Variants in GUCA1C observed in about 807,000 individuals in gnomAD.
The protein encoded by GUCA1C is guanylate cyclase activator 1C.
GUCA1C carries 15 observed loss-of-function variants against 16.2 expected under a neutral mutation model. That is an observed-to-expected ratio of 0.93 (90% confidence interval 0.62 to 1.43). GUCA1C has a LOEUF of 1.43. Among genes scored for constraint, GUCA1C ranks in the 40% most tolerant of loss-of-function variants. GUCA1C has a pLI of 0.00. For synonymous variants in GUCA1C, 78 were observed against 85.4 expected, an observed-to-expected ratio of 0.91 and a Z score of 0.48; for missense variants, 275 against 244.8, an observed-to-expected ratio of 1.12 and a Z score of -0.82.
chr3:108,944,438 G>A (rs1210924729), intron 1 of GUCA1C, among the ~76,000 whole-genome samples: 2 of 152,170 alleles, frequency 1.3e-5, no homozygotes, highest in Non-Finnish European at 2.9e-5. Flanking sequence ...ACAGGTGATT[G>A]AGGCCCTGAA....
At chr3:108,934,625 A>G (rs1946703050) in intron 1 of GUCA1C, among the ~76,000 whole-genome samples, 1 of 152,206 alleles carries the variant, frequency 6.6e-6, no homozygotes, top group Non-Finnish European at 1.5e-5. Context: ...CTAGGTGCCC[A>G]TCAACAGTGG....
intron 1 of GUCA1C, among the ~76,000 whole-genome samples, chr3:108,923,523 T>C (rs35516392): frequency 0.025 from 3,860 of 152,346 alleles, 74 homozygotes; most frequent in Middle Eastern, 0.12. Flanking sequence ...CCAGTTTTTA[T>C]ACCAGTGCCA....
At chr3:108,915,288 A>G (rs1946496699) in intron 3 of GUCA1C, among the ~76,000 whole-genome samples, 1 of 152,234 alleles carries the variant, frequency 6.6e-6, no homozygotes, top group South Asian at 2.1e-4. Context: ...GAATGATGAC[A>G]ACTGTGATTG....
At chr3:108,913,758 T>C (rs1946480724) in intron 3 of GUCA1C, among the ~76,000 whole-genome samples, 1 of 152,030 alleles carries the variant, frequency 6.6e-6, no homozygotes, top group Non-Finnish European at 1.5e-5. Flanking sequence ...GTGCGTATAT[T>C]TTTTTTACTT....
chr3:108,938,235 A>G (rs1322298328), intron 1 of GUCA1C, among the ~76,000 whole-genome samples: 1 of 137,912 alleles, frequency 7.3e-6, no homozygotes, highest in Non-Finnish European at 1.7e-5. Context: ...ACTTTCAGTT[A>G]TTTTTCATAG....
chr3:108,946,891 G>GAAA (rs10607933), intron 1 of GUCA1C, among the ~76,000 whole-genome samples: 1 of 96,394 alleles, frequency 1.0e-5, no homozygotes, highest in African/African-American at 4.0e-5. Flanking sequence ...TCAAGAATCT[G>GAAA]AAAAAAAAAA....
At position 108,918,343 on chromosome 3, in the gene GUCA1C, T is replaced by C. The variant is rs187871424; in HGVS notation, c.354+2093A>G. ...CTAACATAGCTCTATGCCAGCTTCC[T>C]CTCACAGTGTTCCATGCCTGATCTA... On this transcript the variant is annotated intron_variant, in intron 2 of 3. Coordinates refer to ENST00000261047, the MANE Select transcript of GUCA1C (RefSeq NM_005459.4). Among the ~76,000 whole-genome samples the C allele has an allele frequency of 2.4e-3, 361 of 152,296 alleles. 2 individuals carry two copies. Among genetic ancestry groups the C allele is most frequent in the African/African-American group, 8.2e-3 (342 of 41,564 alleles).
rs140844046 is a variant in GUCA1C at position 108,919,407 on chromosome 3, T to C, written c.354+1029A>G. ...AGGTTGTGTATTCTCTATAGAATAT[T>C]TGATTTCTAATTTTGTGTTGCAATA... On this transcript the variant is annotated intron_variant, in intron 2 of 3. Coordinates refer to ENST00000261047, the MANE Select transcript of GUCA1C (RefSeq NM_005459.4). Among the ~76,000 whole-genome samples the C allele has an allele frequency of 3.7e-3, 562 of 152,288 alleles. 5 individuals carry two copies. The highest frequency in any genetic ancestry group is 0.013 in the African/African-American group (540 of 41,566).
intron 1 of GUCA1C, among the ~76,000 whole-genome samples, chr3:108,925,500 T>C (rs954003062): frequency 6.6e-6 from 1 of 152,192 alleles, no homozygotes; most frequent in Non-Finnish European, 1.5e-5. Flanking sequence ...TTGACATAAT[T>C]TCAATTTTCT....
At chr3:108,948,039 G>A (rs1292338866) in intron 1 of GUCA1C, among the ~76,000 whole-genome samples, 1 of 152,250 alleles carries the variant, frequency 6.6e-6, no homozygotes. Flanking sequence ...GCATATAGCT[G>A]TTGATCTGGA....
chr3:108,954,171 A>G (rs1946927308), upstream of GUCA1C, among the ~76,000 whole-genome samples: 1 of 152,164 alleles, frequency 6.6e-6, no homozygotes, highest in African/African-American at 2.4e-5. Flanking sequence ...CCACTTATTA[A>G]CTATATTGAA....
chr3:108,922,196 C>T (rs1385991182), intron 1 of GUCA1C, among the ~76,000 whole-genome samples: 1 of 47,916 alleles, frequency 2.1e-5, no homozygotes, highest in Non-Finnish European at 6.1e-5. Flanking sequence ...CACACACACA[C>T]ACACACATAT....
At chr3:108,932,332 A>C (rs564269882) in intron 1 of GUCA1C, among the ~76,000 whole-genome samples, 32 of 114,816 alleles carry the variant, frequency 2.8e-4, no homozygotes, top group African/African-American at 9.2e-4. Flanking sequence ...CCAAAAAAAA[A>C]AAAAAAACAA....
intron 1 of GUCA1C, among the ~76,000 whole-genome samples, chr3:108,940,789 G>T (rs1946777816): frequency 6.6e-6 from 1 of 152,210 alleles, no homozygotes; most frequent in African/African-American, 2.4e-5. Context: ...TTCATTTGTG[G>T]ACTGGATTGC....
At chr3:108,910,495 GAA>G (rs112235016) in intron 3 of GUCA1C, among the ~76,000 whole-genome samples, 16 of 140,178 alleles carry the variant, frequency 1.1e-4, no homozygotes, top group East Asian at 2.1e-4. Flanking sequence ...GAGACTGTCT[GAA>G]AAAAAAAAAA....
chr3:108,925,081 C>G (rs1376897334), intron 1 of GUCA1C, among the ~76,000 whole-genome samples: 4 of 145,508 alleles, frequency 2.7e-5, no homozygotes. Context: ...AAAGAACCAG[C>G]TTTTTGTTTC....
intron 1 of GUCA1C, among the ~76,000 whole-genome samples, chr3:108,938,455 T>C (rs548598076): frequency 6.6e-5 from 10 of 152,312 alleles, no homozygotes; most frequent in African/African-American, 2.2e-4. Flanking sequence ...CATTACACAA[T>C]TGATCAATAA....
At chr3:108,916,477 A>G (rs1946517032) in intron 2 of GUCA1C, among the ~76,000 whole-genome samples, 1 of 152,218 alleles carries the variant, frequency 6.6e-6, no homozygotes. Context: ...ATCACAACAG[A>G]TGCAATGAGC....
intron 2 of GUCA1C, among the ~76,000 whole-genome samples, chr3:108,918,375 A>G (rs904006616): frequency 1.3e-5 from 2 of 152,148 alleles, no homozygotes; most frequent in African/African-American, 4.8e-5. Context: ...TCTATGGAAA[A>G]CACCCTAGCA....
Sources: allele counts gnomAD v4.1 joint callset (sites outside exome capture counted in the v4.1 genomes callset), GRCh38; gene constraint gnomAD v4.1.1; transcripts MANE v1.5; gene names NCBI Gene and HGNC (gene_info 2026-07-23, HGNC 2026-07-21).